PPP3CA: variants seen among roughly 807,000 people sequenced by gnomAD.
PPP3CA encodes the protein protein phosphatase 3 catalytic subunit alpha, also known as CAM-PRP catalytic subunit.
In PPP3CA, 14 loss-of-function variants were observed where a neutral mutation model predicts 66.5. That is an observed-to-expected ratio of 0.21 (90% CI 0.14 to 0.33). PPP3CA has a LOEUF of 0.33. Ranked by LOEUF, PPP3CA falls within the 10% of genes least tolerant of loss-of-function variation. PPP3CA has a pLI of 1.00. For synonymous variants in PPP3CA, 232 were observed against 226.2 expected, an observed-to-expected ratio of 1.03 and a Z score of -0.23; for missense variants, 317 against 639.5, an observed-to-expected ratio of 0.50 and a Z score of 5.44.
chr4:101,083,071 C>CTA lies in PPP3CA; in HGVS notation c.860+113_860+114dup, dbSNP rs2110240765. On this transcript the variant is annotated intron_variant, in intron 7 of 13. Coordinates refer to ENST00000394854, the MANE Select transcript of PPP3CA (RefSeq NM_000944.5). Reference sequence around the variant, plus strand: ...ATCCATCAGAAGATAATTTTAAGCTCTAATTCCTTTTGGGAGTGAGCCTGG... The same window carrying CTA: ...ATCCATCAGAAGATAATTTTAAGCTCTATAATTCCTTTTGGGAGTGAGCCTGG... 5.8e-6 allele frequency: 4 copies of CTA among 688,008 alleles called. No homozygotes were observed. The East Asian group carries it at 1.2e-4, about 21-fold the overall frequency. The allele number at this position is 688,008 out of a possible 1,614,324, so 42.6% of individuals were successfully genotyped here. A position where few individuals can be genotyped will look rare whatever the true frequency, so the allele number is the denominator to read the frequency against.
At chr4:101,158,917 C>T (rs1307671229) in intron 2 of PPP3CA, among the ~76,000 whole-genome samples, 1 of 152,182 alleles carries the variant, frequency 6.6e-6, no homozygotes, top group Non-Finnish European at 1.5e-5. Flanking sequence ...TTAATCTTCA[C>T]AGTAGTGACG....
intron 8 of PPP3CA, among the ~76,000 whole-genome samples, chr4:101,071,279 G>T (rs1470439711): frequency 1.3e-5 from 2 of 152,100 alleles, no homozygotes; most frequent in Non-Finnish European, 2.9e-5. Flanking sequence ...ATGATTCTAG[G>T]TTATCTCCAA....
At chr4:101,063,156 C>T (rs2110226578) in intron 9 of PPP3CA, 76 bp downstream of exon 9, 3 of 1,516,128 alleles carry the variant, frequency 2.0e-6, no homozygotes, top group Middle Eastern at 1.8e-4. Flanking sequence ...AAGTTCTTCT[C>T]TTTCTGAGTG....
chr4:101,207,454 C>T (rs1258242487), intron 1 of PPP3CA, among the ~76,000 whole-genome samples: 4 of 152,206 alleles, frequency 2.6e-5, no homozygotes, highest in Non-Finnish European at 4.4e-5. Flanking sequence ...GTCTGCATGA[C>T]AGGCTACCAG....
At position 101,300,626 on chromosome 4, in the gene PPP3CA, C is replaced by G. The variant is rs191994888; in HGVS notation, c.58+46113G>C. On this transcript the variant is annotated intron_variant, in intron 1 of 13. Coordinates refer to ENST00000394854, the MANE Select transcript of PPP3CA (RefSeq NM_000944.5). ...CCTGGCCAACACGGTGAAACCCTCT[C>G]TCTACTAAAAAATAGAAAAAAATAG... Among the ~76,000 whole-genome samples, 4 of 152,196 alleles carry G rather than the reference C, an allele frequency of 2.6e-5. No homozygotes were observed. The East Asian group carries it at 7.7e-4, about 29-fold the overall frequency.
intron 1 of PPP3CA, among the ~76,000 whole-genome samples, chr4:101,292,081 AACACAC>A (rs3974776): frequency 0.25 from 32,344 of 130,374 alleles, 4,085 homozygotes; most frequent in Middle Eastern, 0.33. Context: ...TGAGCCCATG[AACACAC>A]ACACACACAC....
chr4:101,320,450 T>A (rs1166594735), intron 1 of PPP3CA, among the ~76,000 whole-genome samples: 3 of 145,048 alleles, frequency 2.1e-5, no homozygotes, highest in Non-Finnish European at 3.0e-5. Context: ...ACAAAACCAC[T>A]CATATGTATG....
chr4:101,046,181 AT>A (rs1376354952), intron 10 of PPP3CA, among the ~76,000 whole-genome samples: 1 of 150,282 alleles, frequency 6.7e-6, no homozygotes, highest in Non-Finnish European at 1.5e-5. Context: ...AACTGGCGGG[AT>A]TTTGTTTTAA....
At chr4:101,318,950 T>G (rs1728959768) in intron 1 of PPP3CA, among the ~76,000 whole-genome samples, 1 of 152,052 alleles carries the variant, frequency 6.6e-6, no homozygotes, top group African/African-American at 2.4e-5. Flanking sequence ...CTCTCTATAT[T>G]CTTAAATTCT....
chr4:101,324,448 A>T lies in PPP3CA; in HGVS notation c.58+22291T>A, dbSNP rs535609245. Among the ~76,000 whole-genome samples the T allele has an allele frequency of 9.9e-5, 15 of 152,256 alleles. 1 individual carries two copies. The South Asian group carries it at 2.9e-3, about 29-fold the overall frequency. ...ATTCTTTTGACTGCTTTTACTGAGT[A>T]CTCACTAAATGCAGCTAAACGAACA... On this transcript the variant is annotated intron_variant, in intron 1 of 13. Transcript: ENST00000394854.
At chr4:101,094,152 T>C (rs1018653777) in intron 5 of PPP3CA, among the ~76,000 whole-genome samples, 1 of 152,144 alleles carries the variant, frequency 6.6e-6, no homozygotes. Flanking sequence ...AGTATCTATC[T>C]TCATCTAACC....
intron 1 of PPP3CA, among the ~76,000 whole-genome samples, chr4:101,298,339 G>GATATATATATATATATAT (rs3078022): frequency 4.9e-5 from 7 of 143,782 alleles, no homozygotes; most frequent in African/African-American, 1.8e-4. Flanking sequence ...CAAGCAGGGA[G>GATATATATATATATATAT]ATATATATAT....
intron 1 of PPP3CA, among the ~76,000 whole-genome samples, chr4:101,318,455 T>C (rs765382696): frequency 2.6e-5 from 4 of 152,188 alleles, no homozygotes; most frequent in Non-Finnish European, 5.9e-5. Flanking sequence ...GCTTCATTAA[T>C]GATGTGCTTA....
intron 1 of PPP3CA, among the ~76,000 whole-genome samples, chr4:101,244,878 T>G (rs546192921): frequency 1.4e-4 from 22 of 151,978 alleles, no homozygotes; most frequent in Non-Finnish European, 2.4e-4. Flanking sequence ...GCCAAATACA[T>G]GGCTCTGTAA....
chr4:101,277,345 T>C (rs1343682197), intron 1 of PPP3CA, among the ~76,000 whole-genome samples: 2 of 152,194 alleles, frequency 1.3e-5, no homozygotes, highest in African/African-American at 4.8e-5. Context: ...AAAATAAAGC[T>C]GCTGTGGACA....
At chr4:101,032,137 A>G in intron 12 of PPP3CA, 130 bp downstream of exon 12, 1 of 607,534 alleles carries the variant, frequency 1.6e-6, no homozygotes, top group Non-Finnish European at 2.6e-6. Flanking sequence ...TTGGGGTTTC[A>G]GCCCTTCTGC....
At chr4:101,260,375 A>AC (rs1212576563) in intron 1 of PPP3CA, among the ~76,000 whole-genome samples, 1 of 152,182 alleles carries the variant, frequency 6.6e-6, no homozygotes, top group Non-Finnish European at 1.5e-5. Flanking sequence ...CGTAATCAAA[A>AC]CAAAACAAAA....
intron 1 of PPP3CA, among the ~76,000 whole-genome samples, chr4:101,303,285 T>C (rs1351822379): frequency 2.0e-5 from 3 of 152,210 alleles, no homozygotes; most frequent in Non-Finnish European, 4.4e-5. Flanking sequence ...AATATTCATA[T>C]TCATTTCACA....
chr4:101,146,370 A>G (rs1421833164), intron 2 of PPP3CA, among the ~76,000 whole-genome samples: 2 of 152,192 alleles, frequency 1.3e-5, no homozygotes, highest in African/African-American at 2.4e-5. Flanking sequence ...GTGTTATCCT[A>G]TGTTTATAAA....
Sources: allele counts gnomAD v4.1 joint callset (sites outside exome capture counted in the v4.1 genomes callset), GRCh38; gene constraint gnomAD v4.1.1; transcripts MANE v1.5; gene names NCBI Gene and HGNC (gene_info 2026-07-23, HGNC 2026-07-21).